SBF2: variants seen among roughly 807,000 people sequenced by gnomAD.
The protein encoded by SBF2 is SET binding factor 2.
A neutral mutation model predicts 225.2 loss-of-function variants in SBF2; 112 were observed. That is an observed-to-expected ratio of 0.50 (90% confidence interval 0.43 to 0.58). The LOEUF (loss-of-function observed/expected upper bound fraction) is 0.58, where lower values mean the gene tolerates loss of function less well. Ranked by LOEUF, SBF2 falls within the 20% of genes least tolerant of loss-of-function variation. The pLI is 0.00. For missense variants in SBF2, 1,996 were observed against 2,206.2 expected, an observed-to-expected ratio of 0.90 and a Z score of 1.91; for synonymous variants, 763 against 773.3, an observed-to-expected ratio of 0.99 and a Z score of 0.22.
intron 17 of SBF2, among the ~76,000 whole-genome samples, chr11:9,882,852 A>G (rs903062941): frequency 9.3e-5 from 14 of 150,702 alleles, no homozygotes; most frequent in Non-Finnish European, 1.5e-4. Flanking sequence ...CTTCTCTTGC[A>G]CTAATCAATA....
intron 6 of SBF2, among the ~76,000 whole-genome samples, chr11:10,022,177 C>A (rs952060143): frequency 3.3e-5 from 5 of 151,998 alleles, no homozygotes; most frequent in African/African-American, 9.7e-5. Flanking sequence ...AGGCATTATG[C>A]CAGATATAGA....
chr11:9,857,879 A>G (rs1353850521), intron 18 of SBF2, among the ~76,000 whole-genome samples: 2 of 152,308 alleles, frequency 1.3e-5, no homozygotes, highest in East Asian at 3.9e-4. Flanking sequence ...TTTGGAGTTA[A>G]TTAACTTTAA....
chr11:9,864,582 TC>T (rs904417045), intron 17 of SBF2, among the ~76,000 whole-genome samples: 1 of 151,948 alleles, frequency 6.6e-6, no homozygotes, highest in African/African-American at 2.4e-5. Context: ...AGATGGGGCC[TC>T]ACTTTGTTGC....
chr11:9,992,392 C>A (rs1402990521), intron 12 of SBF2, 23 bp downstream of exon 12: 2 of 1,596,966 alleles, frequency 1.3e-6, no homozygotes, highest in Non-Finnish European at 1.7e-6. Context: ...ATAAATAATG[C>A]CTTCATTTAA....
At chr11:10,190,947 G>A (rs1044019609) in intron 2 of SBF2, among the ~76,000 whole-genome samples, 3 of 152,042 alleles carry the variant, frequency 2.0e-5, no homozygotes, top group Admixed American at 6.6e-5. Flanking sequence ...AAAAGATCAG[G>A]GTTTGAATCC....
intron 28 of SBF2, among the ~76,000 whole-genome samples, chr11:9,818,072 A>G (rs1854554748): frequency 6.6e-6 from 1 of 152,070 alleles, no homozygotes; most frequent in Non-Finnish European, 1.5e-5. Flanking sequence ...CAGCCTCCTG[A>G]GTAGCTGGGA....
chr11:10,022,718 G>A (rs1948908064), intron 6 of SBF2, among the ~76,000 whole-genome samples: 1 of 151,690 alleles, frequency 6.6e-6, no homozygotes, highest in African/African-American at 2.4e-5. Context: ...TACATCCGTA[G>A]ACACTATAGT....
intron 16 of SBF2, among the ~76,000 whole-genome samples, chr11:9,941,798 A>AAT (rs1554962444): frequency 1.3e-5 from 2 of 152,038 alleles, no homozygotes; most frequent in Non-Finnish European, 1.5e-5. Context: ...AAAGAAAAAA[A>AAT]ATATATATAT....
chr11:10,012,476 C>A (rs1180951282), intron 6 of SBF2, among the ~76,000 whole-genome samples: 1 of 152,162 alleles, frequency 6.6e-6, no homozygotes, highest in Non-Finnish European at 1.5e-5. Flanking sequence ...TCTATAATAT[C>A]TATTTGGCTC....
At chr11:9,784,579 T>C in intron 37 of SBF2, 141 bp from the exon 38 acceptor site, 1 of 700,154 alleles carries the variant, frequency 1.4e-6, no homozygotes, top group Non-Finnish European at 2.5e-6. Flanking sequence ...TCTCCCTGGA[T>C]TTTTTCTGCT....
chr11:10,082,144 GT>G (rs1951392814), intron 2 of SBF2, among the ~76,000 whole-genome samples: 1 of 152,060 alleles, frequency 6.6e-6, no homozygotes, highest in South Asian at 2.1e-4. Flanking sequence ...AAATGGATAA[GT>G]TCCTGGAAAC....
chr11:10,170,302 T>C (rs1001446639), intron 2 of SBF2, among the ~76,000 whole-genome samples: 3 of 152,180 alleles, frequency 2.0e-5, no homozygotes, highest in African/African-American at 7.2e-5. Context: ...ATGTGATTTT[T>C]TTTATGGCGA....
At chr11:10,028,383 C>T (rs1949125256) in intron 6 of SBF2, 69 bp downstream of exon 6, 19 of 971,026 alleles carry the variant, frequency 2.0e-5, no homozygotes, top group Non-Finnish European at 2.7e-5. Flanking sequence ...GAGGTGATGT[C>T]GACTTAAAAT....
intron 16 of SBF2, among the ~76,000 whole-genome samples, chr11:9,931,383 G>A (rs886523919): frequency 2.0e-5 from 3 of 152,208 alleles, no homozygotes; most frequent in African/African-American, 7.2e-5. Flanking sequence ...ATAGATGGGT[G>A]CCCCTCTGGG....
Position 9,846,959 on chromosome 11 carries a change from A to C in SBF2, c.2931T>G (p.Phe977Leu). 1 of 1,613,678 alleles carries C rather than the reference A, an allele frequency of 6.2e-7. No homozygotes were observed. The highest frequency in any genetic ancestry group is 8.5e-7 in the Non-Finnish European group (1 of 1,179,614). Residue 977 changes from phenylalanine to leucine, a missense_variant, in exon 23 of 40, where the codon TTT (phenylalanine) becomes TTG (leucine). By Grantham distance (22) the Phe-to-Leu change is conservative. Coordinates refer to ENST00000256190, the MANE Select transcript of SBF2 (RefSeq NM_030962.4). ...CAATGGCTTCCTTTTTTAATACCTG[A>C]AAAGATGCTGATGTGATCTGCAGTC... Reference protein sequence around the residue: ...QEGLQITSASFQLIKVAFDEE... With the variant: ...QEGLQITSASLQLIKVAFDEE...
At chr11:9,943,588 T>C (rs185340537) in intron 16 of SBF2, among the ~76,000 whole-genome samples, 1 of 152,202 alleles carries the variant, frequency 6.6e-6, no homozygotes, top group Admixed American at 6.5e-5. Context: ...AGGCATTTCC[T>C]TACACAGAAA....
intron 1 of SBF2, among the ~76,000 whole-genome samples, chr11:10,201,201 T>A (rs1407211402): frequency 6.6e-6 from 1 of 152,228 alleles, no homozygotes; most frequent in Admixed American, 6.5e-5. Flanking sequence ...TCTAAAGATA[T>A]CTGTCCAAAG....
intron 17 of SBF2, among the ~76,000 whole-genome samples, chr11:9,859,928 A>G (rs780382): frequency 0.63 from 95,217 of 152,042 alleles, 29,966 homozygotes; most frequent in African/African-American, 0.68. Flanking sequence ...TATAACCTCA[A>G]TTCTCCCTAT....
rs58436467 is a variant in SBF2, at chr11:9,835,631, C to CAAAAAA, written c.3456-3217_3456-3212dup. On this transcript the variant is annotated intron_variant, in intron 26 of 39. Coordinates refer to ENST00000256190, the MANE Select transcript of SBF2 (RefSeq NM_030962.4). ...TGGGAGACAGAGCAAGACCTTGTCT[C>CAAAAAA]AAAAAAAAAAAAAAAAGATTACTAC... Among the ~76,000 whole-genome samples, 5 of 62,134 alleles carry CAAAAAA rather than the reference C, an allele frequency of 8.0e-5. 1 individual carries two copies. The highest frequency in any genetic ancestry group is 2.6e-4 in the African/African-American group (4 of 15,500). 40.8% of individuals were successfully genotyped at this position (62,134 alleles called of 152,430 possible). A position where few individuals can be genotyped will look rare whatever the true frequency, so the allele number is the denominator to read the frequency against.
Sources: gnomAD v4.1 joint callset for allele counts (sites outside exome capture counted in the v4.1 genomes callset) on GRCh38, gnomAD v4.1.1 for gene constraint, MANE v1.5 for transcripts, NCBI Gene and HGNC (gene_info 2026-07-23, HGNC 2026-07-21) for gene names.